OTOR: variants seen among roughly 807,000 people sequenced by gnomAD.
OTOR encodes the protein fibrocyte-derived protein.
A neutral mutation model predicts 15.9 loss-of-function variants in OTOR; 20 were observed. The observed-to-expected ratio is 1.26, with a 90% CI of 0.89 to 1.83. The LOEUF is 1.83. OTOR is among the 40% of genes most tolerant of loss of function. The pLI is 0.00. For synonymous variants in OTOR, 53 were observed against 54.2 expected (o/e 0.98, Z 0.09); for missense variants, 184 against 159.0 (o/e 1.16, Z -0.85).
chr20:16,749,857 A>G (rs2072516848), intron 2 of OTOR, 46 bp from the exon 3 acceptor site: 2 of 1,288,858 alleles, frequency 1.6e-6, no homozygotes, highest in East Asian at 2.3e-5. Flanking sequence ...CTCAGAAGAC[A>G]CTCAGCATCA....
intron 1 of OTOR, 138 bp downstream of exon 1, chr20:16,748,654 G>A: frequency 1.4e-6 from 1 of 701,650 alleles, no homozygotes; most frequent in Non-Finnish European, 2.4e-6. Flanking sequence ...CTTCTGGTCT[G>A]CATGTTTGGT....
intron 1 of OTOR, 147 bp from the exon 2 acceptor site, chr20:16,748,720 C>A: frequency 1.4e-6 from 1 of 721,310 alleles, no homozygotes; most frequent in Non-Finnish European, 2.2e-6. Flanking sequence ...AATATCTTGG[C>A]TGTCTTCTTT....
intron 2 of OTOR, 22 bp from the exon 3 acceptor site, chr20:16,749,881 T>A (rs542247355): frequency 1.8e-5 from 28 of 1,520,248 alleles, no homozygotes; most frequent in Non-Finnish European, 2.5e-5. Context: ...TTTTCCTGAT[T>A]GCTATTCTTC....
In OTOR at chr20:16,750,594, A is replaced by C. The variant is rs148929685; in HGVS notation, c.364-501A>C. On this transcript the variant is annotated intron_variant, in intron 3 of 3. Transcript: ENST00000246081. ...TTTCACTAAAGATAGGCTGAAAAAA[A>C]ATTATTATGTTTTTGATCAAATCGA... 5.0e-3 allele frequency among the ~76,000 whole-genome samples: 767 copies of C among 152,366 alleles called. 4 individuals are homozygous for C. Among genetic ancestry groups the C allele is most frequent in the African/African-American group, 0.018 (738 of 41,592 alleles).
chr20:16,749,878 G>A (rs2072517043), intron 2 of OTOR, 25 bp from the exon 3 acceptor site: 2 of 1,501,290 alleles, frequency 1.3e-6, no homozygotes, highest in South Asian at 1.1e-5. Context: ...GCTTTTTCCT[G>A]ATTGCTATTC....
intron 3 of OTOR, among the ~76,000 whole-genome samples, chr20:16,750,834 A>G (rs1031036817): frequency 6.6e-6 from 1 of 152,330 alleles, no homozygotes; most frequent in East Asian, 1.9e-4. Flanking sequence ...TCCTACACAA[A>G]TGGGACTCAC....
chr20:16,750,059 G>A (rs1002782730), intron 3 of OTOR, 49 bp downstream of exon 3: 1 of 1,222,490 alleles, frequency 8.2e-7, no homozygotes, highest in Non-Finnish European at 1.2e-6. Context: ...TTGGGGCAAT[G>A]TAGGCCGGTG....
In OTOR at chr20:16,748,433, G is replaced by T. The variant is rs760658489; in HGVS notation, c.32G>T (p.Gly11Val). 6.3e-5 allele frequency: 102 copies of T among 1,613,290 alleles called. 2 individuals are homozygous for T. The South Asian group carries it at 1.0e-3, about 16-fold the overall frequency. ...AGAATATTGTTACTTTTCCTCCCGG[G>T]TCTTGTGGCTGTATGTGCTGTGCAT... Reference protein sequence around the residue: MARILLLFLPGLVAVCAVHGI... With the variant: MARILLLFLPVLVAVCAVHGI... Residue 11 changes from glycine (G) to valine (V), a missense_variant, in exon 1 of 4, where the codon GGT becomes GTT. Transcript: ENST00000246081.
chr20:16,748,792 C>G, intron 1 of OTOR, 75 bp from the exon 2 acceptor site: 1 of 1,139,258 alleles, frequency 8.8e-7, no homozygotes, highest in Non-Finnish European at 1.2e-6. Flanking sequence ...TCTAGTTTTT[C>G]TAATATACAT....
intron 3 of OTOR, among the ~76,000 whole-genome samples, chr20:16,750,817 C>G (rs986786013): frequency 2.0e-5 from 3 of 152,224 alleles, no homozygotes; most frequent in African/African-American, 7.2e-5. Context: ...GCTTCAAACA[C>G]TGCTCATCCT....
Position 16,748,908 on chromosome 20 carries a change from C to T in OTOR, c.157C>T (p.Pro53Ser), listed in dbSNP as rs775331026. The T allele has an allele frequency of 6.2e-6, 10 of 1,610,012 alleles. No homozygotes were observed. Among genetic ancestry groups the T allele is most frequent in the Middle Eastern group, 3.3e-4 (2 of 6,068 alleles). Residue 53 changes from proline to serine, a missense_variant, in exon 2 of 4, where the codon CCG becomes TCG. Pro to Ser is a moderately conservative substitution (Grantham distance 74). Coordinates refer to ENST00000246081, the MANE Select transcript of OTOR (RefSeq NM_020157.4). The part of the protein sequence containing the change: ...LASAQEDYNA[P>S]DCRFINVKKG... ...TAGTGCTCAAGAAGATTATAATGCCCCGGACTGTAGATTCATTAACGTTAA... is the reference window on the plus strand; with the variant it reads ...TAGTGCTCAAGAAGATTATAATGCCTCGGACTGTAGATTCATTAACGTTAA...
chr20:16,749,132 C>A, intron 2 of OTOR, 126 bp downstream of exon 2: 1 of 563,108 alleles, frequency 1.8e-6, no homozygotes, highest in Non-Finnish European at 2.8e-6. Flanking sequence ...GATGGAAATG[C>A]AAAAATTCAG....
intron 2 of OTOR, 150 bp from the exon 3 acceptor site, chr20:16,749,753 C>T: frequency 1.5e-5 from 9 of 595,682 alleles, no homozygotes; most frequent in East Asian, 1.1e-4. Flanking sequence ...AAGTAAACTT[C>T]GGATTTGCCG....
Position 16,749,958 on chromosome 20 carries a change from T to G in OTOR, c.311T>G (p.Leu104Trp), listed in dbSNP as rs1268118907. ...GTCGTGGGTTATTTCCCCAGGAACT[T>G]GGTCAAGGAACAGCGTGTGTACCAG... ...MGVVGYFPRN[L>W]VKEQRVYQEA... The change falls in exon 3 of 4, where the codon TTG (leucine) becomes TGG (tryptophan). Residue 104 changes from leucine to tryptophan, a missense_variant. Transcript: ENST00000246081. The G allele has an allele frequency of 1.3e-5, 21 of 1,613,794 alleles. No individual in the cohort carries two copies. In the Admixed American group the frequency reaches 3.5e-4, roughly 27 times the overall value.
In OTOR at chr20:16,748,863, C is replaced by T. The variant is rs747815003; in HGVS notation, c.116-4C>T. ...TGTAATCATTTAAATTTTTTTTCTT[C>T]CAGATACTATTTCTCTGGCTAGTGC... On this transcript the variant is annotated splice_region_variant and splice_polypyrimidine_tract_variant and intron_variant, in intron 1 of 3. Coordinates refer to ENST00000246081, the MANE Select transcript of OTOR (RefSeq NM_020157.4). The T allele has an allele frequency of 4.5e-6, 7 of 1,562,376 alleles. No homozygotes were observed. Among genetic ancestry groups the T allele is most frequent in the African/African-American group, 1.4e-5 (1 of 71,496 alleles).
intron 3 of OTOR, 120 bp from the exon 4 acceptor site, chr20:16,750,975 C>T (rs1202846505): frequency 1.3e-6 from 1 of 766,642 alleles, no homozygotes; most frequent in Admixed American, 3.4e-5. Flanking sequence ...GGGGGTCAAC[C>T]TTTACTTACT....
chr20:16,749,789 A>G, intron 2 of OTOR, 114 bp from the exon 3 acceptor site: 1 of 704,806 alleles, frequency 1.4e-6, no homozygotes, highest in South Asian at 1.7e-5. Flanking sequence ...CCCGGAGTGA[A>G]AGGGAGGTAT....
chr20:16,750,963 T>C, intron 3 of OTOR, 132 bp from the exon 4 acceptor site: 1 of 686,780 alleles, frequency 1.5e-6, no homozygotes, highest in Non-Finnish European at 2.5e-6. Flanking sequence ...TTCATATTTT[T>C]TGGGGGTCAA....
intron 3 of OTOR, 26 bp from the exon 4 acceptor site, chr20:16,751,069 C>CT: frequency 1.3e-6 from 2 of 1,519,502 alleles, no homozygotes; most frequent in Non-Finnish European, 1.8e-6. Context: ...TTCGTTCAAT[C>CT]TTTTTTTGTT....
Sources: gnomAD v4.1 joint callset for allele counts (sites outside exome capture counted in the v4.1 genomes callset) on GRCh38, gnomAD v4.1.1 for gene constraint, MANE v1.5 for transcripts, NCBI Gene and HGNC (gene_info 2026-07-23, HGNC 2026-07-21) for gene names.